GPC5: variants seen among roughly 807,000 people sequenced by gnomAD.
GPC5 encodes the protein glypican 5.
GPC5 carries 47 observed loss-of-function variants against 53.9 expected under a neutral mutation model. That is an observed-to-expected ratio of 0.87 (90% CI 0.69 to 1.11). GPC5 has a LOEUF of 1.11. GPC5 is among the 50% of genes most tolerant of loss of function. The pLI, the probability that GPC5 is intolerant of heterozygous loss-of-function variation, is 0.00. For synonymous variants in GPC5, 286 were observed against 263.3 expected, an observed-to-expected ratio of 1.09 and a Z score of -0.84; for missense variants, 748 against 713.1, an observed-to-expected ratio of 1.05 and a Z score of -0.56.
At chr13:92,003,655 T>C (rs2040578048) in intron 6 of GPC5, among the ~76,000 whole-genome samples, 2 of 152,222 alleles carry the variant, frequency 1.3e-5, no homozygotes, top group East Asian at 1.9e-4. Flanking sequence ...TTCTTGATTG[T>C]AATAGTGCAC....
intron 7 of GPC5, among the ~76,000 whole-genome samples, chr13:92,387,315 C>T (rs1429543822): frequency 2.0e-5 from 3 of 152,062 alleles, no homozygotes; most frequent in Non-Finnish European, 2.9e-5. Flanking sequence ...GTTGTGAGCA[C>T]GTTTACCATA....
At chr13:92,086,589 T>C (rs1183547494) in intron 6 of GPC5, among the ~76,000 whole-genome samples, 6 of 152,162 alleles carry the variant, frequency 3.9e-5, no homozygotes, top group Admixed American at 3.9e-4. Context: ...TTATTTGATC[T>C]CCTGTAGAAC....
chr13:92,197,122 CTCCCTTTTAAAGGGTAT>C lies in GPC5; in HGVS notation c.1561+52137_1561+52153del, dbSNP rs567888886. 5.3e-5 allele frequency among the ~76,000 whole-genome samples: 8 copies of C among 152,202 alleles called. No individual in the cohort carries two copies. The South Asian group carries it at 1.7e-3, about 32-fold the overall frequency. ...TCCTGCGAAGAGCTCATTCAAGCAC[CTCCCTTTTAAAGGGTAT>C]TCCTAATACCCTTTGGAAGTTTCTT... On this transcript the variant is annotated intron_variant, in intron 7 of 7. Coordinates refer to ENST00000377067, the MANE Select transcript of GPC5 (RefSeq NM_004466.6).
intron 2 of GPC5, among the ~76,000 whole-genome samples, chr13:91,508,086 T>C (rs1885041375): frequency 6.6e-6 from 1 of 152,188 alleles, no homozygotes; most frequent in African/African-American, 2.4e-5. Flanking sequence ...ATTTTTAGAT[T>C]TTTGGCATTT....
intron 2 of GPC5, among the ~76,000 whole-genome samples, chr13:91,624,585 A>G (rs2033950243): frequency 6.6e-6 from 1 of 152,126 alleles, no homozygotes; most frequent in Admixed American, 6.6e-5. Flanking sequence ...ACTTTAAAGT[A>G]GAACATATTT....
At chr13:91,859,310 T>G (rs1430666645) in intron 5 of GPC5, among the ~76,000 whole-genome samples, 1 of 151,994 alleles carries the variant, frequency 6.6e-6, no homozygotes, top group Non-Finnish European at 1.5e-5. Flanking sequence ...TTCTGCTTTT[T>G]GCTGTATCCC....
chr13:91,439,145 A>C (rs1226804032), intron 1 of GPC5, among the ~76,000 whole-genome samples: 2 of 152,044 alleles, frequency 1.3e-5, no homozygotes, highest in African/African-American at 4.8e-5. Flanking sequence ...TATTGGCATG[A>C]CTCCGGCTTT....
At chr13:92,720,924 C>T (rs1190444786) in intron 7 of GPC5, among the ~76,000 whole-genome samples, 4 of 152,042 alleles carry the variant, frequency 2.6e-5, no homozygotes. Flanking sequence ...GGTTTGCATA[C>T]CTATCCACAG....
intron 7 of GPC5, among the ~76,000 whole-genome samples, chr13:92,484,183 A>G (rs1879467382): frequency 6.6e-6 from 1 of 152,100 alleles, no homozygotes; most frequent in Non-Finnish European, 1.5e-5. Context: ...GGTCAAGATC[A>G]TCAGTATCAC....
At chr13:91,796,623 C>T (rs543864038) in intron 5 of GPC5, among the ~76,000 whole-genome samples, 18 of 152,242 alleles carry the variant, frequency 1.2e-4, no homozygotes, top group Middle Eastern at 6.8e-3. Flanking sequence ...CTGATGGGTC[C>T]GGTGTGAGCT....
chr13:91,692,486 G>C (rs1012377575), intron 2 of GPC5, among the ~76,000 whole-genome samples: 15 of 151,992 alleles, frequency 9.9e-5, no homozygotes, highest in African/African-American at 3.6e-4. Flanking sequence ...AAATATAGCA[G>C]GTGGTGAATT....
chr13:92,771,360 C>T (rs971737619), intron 7 of GPC5, among the ~76,000 whole-genome samples: 7 of 151,980 alleles, frequency 4.6e-5, no homozygotes, highest in Non-Finnish European at 7.4e-5. Flanking sequence ...GTTTTTCTTT[C>T]GAGACAGAGT....
At chr13:92,331,397 T>C (rs1484366347) in intron 7 of GPC5, among the ~76,000 whole-genome samples, 1 of 152,182 alleles carries the variant, frequency 6.6e-6, no homozygotes, top group East Asian at 1.9e-4. Context: ...TGTCACATAA[T>C]GGGAAGTTGA....
At chr13:92,317,601 C>G (rs942268498) in intron 7 of GPC5, among the ~76,000 whole-genome samples, 4 of 152,244 alleles carry the variant, frequency 2.6e-5, no homozygotes, top group African/African-American at 9.6e-5. Context: ...TCAAGTGATA[C>G]TCATGCCTCA....
chr13:92,794,897 A>T (rs892289845), intron 7 of GPC5, among the ~76,000 whole-genome samples: 1 of 152,118 alleles, frequency 6.6e-6, no homozygotes, highest in African/African-American at 2.4e-5. Context: ...ACACAAACAA[A>T]TGGAAGAACA....
chr13:92,308,858 T>C (rs1381625583), intron 7 of GPC5, among the ~76,000 whole-genome samples: 3 of 152,136 alleles, frequency 2.0e-5, no homozygotes, highest in Admixed American at 6.5e-5. Flanking sequence ...TATGGTTCAA[T>C]TGACTTTCTG....
chr13:91,442,890 G>C (rs1175882639), intron 1 of GPC5, among the ~76,000 whole-genome samples: 1 of 152,098 alleles, frequency 6.6e-6, no homozygotes, highest in Non-Finnish European at 1.5e-5. Context: ...ATGAAAGGAG[G>C]CTTCTCCCAT....
intron 2 of GPC5, among the ~76,000 whole-genome samples, chr13:91,592,825 C>T (rs1327456903): frequency 6.6e-6 from 1 of 152,186 alleles, no homozygotes; most frequent in Non-Finnish European, 1.5e-5. Flanking sequence ...GTGGGGCAGC[C>T]AGGCAGGTGC....
intron 6 of GPC5, among the ~76,000 whole-genome samples, chr13:92,069,481 C>A (rs1293088744): frequency 3.3e-5 from 5 of 150,970 alleles, no homozygotes; most frequent in African/African-American, 4.9e-5. Flanking sequence ...ATAAATATTT[C>A]TCCATATACA....
Sources: allele counts gnomAD v4.1 joint callset (sites outside exome capture counted in the v4.1 genomes callset), GRCh38; gene constraint gnomAD v4.1.1; transcripts MANE v1.5; gene names NCBI Gene and HGNC (gene_info 2026-07-23, HGNC 2026-07-21).